Variants in PPP1R1C observed in about 807,000 individuals in gnomAD.
The protein encoded by PPP1R1C is protein phosphatase 1 regulatory subunit 1C.
A neutral mutation model predicts 17.4 loss-of-function variants in PPP1R1C; 15 were observed. That is an observed-to-expected ratio of 0.86 (90% CI 0.58 to 1.33). PPP1R1C has a LOEUF of 1.33. Ranked by LOEUF, PPP1R1C falls within the 40% of genes most tolerant of loss-of-function variation. The probability of loss-of-function intolerance (pLI) is 0.00; values close to 1 mark genes in which losing one functional copy is unlikely to be tolerated. For synonymous variants in PPP1R1C, 35 were observed against 43.1 expected (o/e 0.81, Z 0.73); for missense variants, 143 against 130.0 (o/e 1.10, Z -0.48).
intron 4 of PPP1R1C, 88 bp downstream of exon 4, chr2:182,063,879 T>C (rs1346609758): frequency 1.3e-5 from 12 of 951,534 alleles, no homozygotes. Context: ...TATCTGATGA[T>C]AAGCTAGATC....
intron 1 of PPP1R1C, 135 bp downstream of exon 1, chr2:181,986,326 G>A: frequency 1.4e-6 from 1 of 714,840 alleles, no homozygotes; most frequent in Middle Eastern, 2.5e-4. Context: ...CAAGAAATAA[G>A]TTGGTTTTTA....
At chr2:182,094,723 G>A (rs963401326) in intron 4 of PPP1R1C, among the ~76,000 whole-genome samples, 14 of 152,124 alleles carry the variant, frequency 9.2e-5, no homozygotes, top group African/African-American at 1.2e-4. Context: ...AATTGCAGAT[G>A]TGTAAAAAAT....
rs1386375980 is a variant in PPP1R1C, at chr2:181,962,530, C to T, written n.111+7896C>T. 2 of 606,316 alleles carry T rather than the reference C, an allele frequency of 3.3e-6. No individual in the cohort carries two copies. The highest frequency in any genetic ancestry group is 6.0e-6 in the Non-Finnish European group (2 of 332,494). 37.6% of individuals were successfully genotyped at this position (606,316 alleles called of 1,614,324 possible). On this transcript the variant is annotated intron_variant and non_coding_transcript_variant, in intron 1 of 5. Transcript: ENST00000464264. The surrounding 1 kb of genome is among the most constrained non-coding windows in gnomAD (Gnocchi z 6.0). Reference sequence around the variant, plus strand: ...CAGGACTCAGGCTTTGCCGACCCGTCATAGCAGTTTTCTAAGGAACCTGCA... The same window carrying T: ...CAGGACTCAGGCTTTGCCGACCCGTTATAGCAGTTTTCTAAGGAACCTGCA...
downstream of PPP1R1C, among the ~76,000 whole-genome samples, chr2:182,122,450 G>A (rs367800194): frequency 6.0e-4 from 92 of 152,266 alleles, 1 homozygote; most frequent in African/African-American, 2.1e-3. Context: ...AGTTTAAAGT[G>A]TGAGTATATT....
chr2:182,117,109 T>G, intron 4 of PPP1R1C, 98 bp from the exon 5 acceptor site: 1 of 847,392 alleles, frequency 1.2e-6, no homozygotes, highest in East Asian at 2.7e-5. Context: ...AAACACCAAA[T>G]GAAAACTTTG....
At chr2:182,030,444 A>G (rs1389657667) in intron 2 of PPP1R1C, among the ~76,000 whole-genome samples, 2 of 150,994 alleles carry the variant, frequency 1.3e-5, no homozygotes, top group African/African-American at 4.9e-5. Context: ...CAGGACCCTC[A>G]GCTGCAGGTC....
intron 1 of PPP1R1C, among the ~76,000 whole-genome samples, chr2:181,968,961 C>G (rs1260772651): frequency 2.6e-5 from 4 of 152,066 alleles, no homozygotes; most frequent in African/African-American, 9.7e-5. Context: ...CAAAAACAAA[C>G]AAGCAAAGAG....
At chr2:182,121,029 T>G (rs1271268247), downstream of PPP1R1C, among the ~76,000 whole-genome samples, 1 of 152,242 alleles carries the variant, frequency 6.6e-6, no homozygotes, top group East Asian at 1.9e-4. Context: ...TAATGGCTTT[T>G]CACTTTACTT....
chr2:182,024,557 C>A (rs1157183727), intron 2 of PPP1R1C, among the ~76,000 whole-genome samples: 2 of 152,044 alleles, frequency 1.3e-5, no homozygotes, highest in Non-Finnish European at 1.5e-5. Context: ...ACATCACTAT[C>A]TTTTTGTTCA....
intron 2 of PPP1R1C, among the ~76,000 whole-genome samples, chr2:182,014,740 G>A (rs538858736): frequency 1.2e-3 from 180 of 151,964 alleles, no homozygotes; most frequent in African/African-American, 4.2e-3. Context: ...CTGTGGCTGA[G>A]CTAGCACCCT....
In PPP1R1C at chr2:182,080,149, T is replaced by C. The variant is rs150553972; in HGVS notation, c.241+16358T>C. Among the ~76,000 whole-genome samples the C allele has an allele frequency of 3.4e-3, 512 of 152,324 alleles. 5 individuals are homozygous for C. The highest frequency in any genetic ancestry group is 0.012 in the African/African-American group (496 of 41,572). On this transcript the variant is annotated intron_variant, in intron 4 of 4. Coordinates refer to ENST00000682840, the MANE Select transcript of PPP1R1C (RefSeq NM_001080545.3). Reference sequence around the variant, plus strand: ...CCTGTTGCAGAAGTTTTAGTTAAGGTGACTTCTAAAATGCCATGCATAGTT... The same window carrying C: ...CCTGTTGCAGAAGTTTTAGTTAAGGCGACTTCTAAAATGCCATGCATAGTT...
chr2:181,955,213 A>T (rs1684650887), intron 1 of PPP1R1C, among the ~76,000 whole-genome samples: 1 of 152,200 alleles, frequency 6.6e-6, no homozygotes, highest in Non-Finnish European at 1.5e-5. Flanking sequence ...TGTGATGGAA[A>T]CTTGATATTT....
intron 2 of PPP1R1C, among the ~76,000 whole-genome samples, chr2:182,049,859 G>C (rs570115067): frequency 6.6e-6 from 1 of 152,256 alleles, no homozygotes; most frequent in East Asian, 1.9e-4. Flanking sequence ...TATAGCTTCA[G>C]AAACTCTCAA....
chr2:182,007,463 A>C (rs1370596294), intron 2 of PPP1R1C, among the ~76,000 whole-genome samples: 1 of 152,212 alleles, frequency 6.6e-6, no homozygotes, highest in African/African-American at 2.4e-5. Flanking sequence ...ACACCACTTG[A>C]ATTTTGATCC....
intron 4 of PPP1R1C, among the ~76,000 whole-genome samples, chr2:182,112,935 A>G (rs1384530595): frequency 6.6e-6 from 1 of 152,212 alleles, no homozygotes; most frequent in Admixed American, 6.6e-5. Context: ...TAAAATGTGT[A>G]TTTGGGCCAT....
intron 5 of PPP1R1C, among the ~76,000 whole-genome samples, chr2:182,123,801 G>T (rs1439916935): frequency 6.6e-6 from 1 of 152,084 alleles, no homozygotes; most frequent in Non-Finnish European, 1.5e-5. Context: ...CATTCTGTAG[G>T]TTGCCTGTTC....
chr2:182,044,509 C>T (rs1559069851), intron 2 of PPP1R1C, among the ~76,000 whole-genome samples: 4 of 152,166 alleles, frequency 2.6e-5, no homozygotes, highest in Non-Finnish European at 5.9e-5. Flanking sequence ...ACCCAACTTC[C>T]TTGCCCACTC....
At chr2:182,101,863 G>A (rs1313881368) in intron 4 of PPP1R1C, among the ~76,000 whole-genome samples, 16 of 152,156 alleles carry the variant, frequency 1.1e-4, no homozygotes, top group Non-Finnish European at 1.5e-5. Flanking sequence ...TAACTAGGTG[G>A]GGAGGAGACT....
intron 2 of PPP1R1C, among the ~76,000 whole-genome samples, chr2:182,055,799 TTGATGTTTTCAAATTGCTC>T (rs1304471717): frequency 6.6e-6 from 1 of 152,206 alleles, no homozygotes; most frequent in African/African-American, 2.4e-5. Flanking sequence ...TAAAACTGCT[TTGATGTTTTCAAATTGCTC>T]TGATGTTTTC....
Sources: allele counts gnomAD v4.1 joint callset (sites outside exome capture counted in the v4.1 genomes callset), GRCh38; gene constraint gnomAD v4.1.1; non-coding constraint Gnocchi (gnomAD v3.1); transcripts MANE v1.5; gene names NCBI Gene and HGNC (gene_info 2026-07-23, HGNC 2026-07-21).